MAD1L1: variants seen among roughly 807,000 people sequenced by gnomAD.
MAD1L1 encodes mitotic arrest deficient 1 like 1, also known as mitotic spindle assembly checkpoint protein MAD1.
Under a neutral mutation model 96.9 loss-of-function variants are expected in MAD1L1, and 95 were observed. That is an observed-to-expected ratio of 0.98 (90% CI 0.83 to 1.16). The LOEUF (loss-of-function observed/expected upper bound fraction) is 1.16, where lower values mean the gene tolerates loss of function less well. Among genes scored for constraint, MAD1L1 ranks in the 50% most tolerant of loss-of-function variants. The probability of loss-of-function intolerance (pLI) is 0.00; values close to 1 mark genes in which losing one functional copy is unlikely to be tolerated. For synonymous variants in MAD1L1, 473 were observed against 396.6 expected (o/e 1.19, Z -2.29); for missense variants, 1,007 against 954.4 (o/e 1.06, Z -0.73).
At chr7:1,855,285 G>A (rs1202425410) in intron 18 of MAD1L1, among the ~76,000 whole-genome samples, 1 of 151,936 alleles carries the variant, frequency 6.6e-6, no homozygotes, top group Admixed American at 6.6e-5. Flanking sequence ...AAACGGTTGC[G>A]GGCCACACCC....
At position 2,192,734 on chromosome 7, in the gene MAD1L1, C is replaced by G. The variant is rs558064917; in HGVS notation, c.986+20478G>C. On this transcript the variant is annotated intron_variant, in intron 10 of 18. Transcript: ENST00000265854. ...AAACTAACGTCATGCCCCAAGGAAA[C>G]GAGAGAAAAGGATGTCATTAATAAA... Among the ~76,000 whole-genome samples, 43 of 152,192 alleles carry G rather than the reference C, an allele frequency of 2.8e-4. No homozygotes were observed. In the South Asian group the frequency reaches 6.2e-3, roughly 22 times the overall value.
chr7:2,152,021 G>C (rs918737078), intron 10 of MAD1L1, among the ~76,000 whole-genome samples: 1 of 152,142 alleles, frequency 6.6e-6, no homozygotes, highest in Non-Finnish European at 1.5e-5. Flanking sequence ...GGCTGCTTCC[G>C]GGTGGCTCCC....
At chr7:1,941,186 G>A (rs1051861169) in intron 16 of MAD1L1, among the ~76,000 whole-genome samples, 16 of 152,162 alleles carry the variant, frequency 1.1e-4, no homozygotes, top group African/African-American at 3.1e-4. Context: ...CAGCGCTGGC[G>A]TTGGACCCAG....
Position 2,119,746 on chromosome 7 carries a change from G to A in MAD1L1, c.1073+29406C>T, listed in dbSNP as rs1157311500. ...TGCCAGTCCAGCAGGGGACCCCTCA[G>A]CACAGTCCTGGCTGCACCCATACAG... On this transcript the variant is annotated intron_variant, in intron 11 of 18. Coordinates refer to ENST00000265854, the MANE Select transcript of MAD1L1 (RefSeq NM_001013836.2). This position sits in a 1 kb window ranked among gnomAD's most constrained non-coding sequence, Gnocchi z 4.6. Among the ~76,000 whole-genome samples, 1 of 152,188 alleles carries A rather than the reference G, an allele frequency of 6.6e-6. No individual in the cohort carries two copies. Among genetic ancestry groups the A allele is most frequent in the Admixed American group, 6.5e-5 (1 of 15,284 alleles).
Position 2,088,084 on chromosome 7 carries a change from C to T in MAD1L1, c.1074-18746G>A, listed in dbSNP as rs1371650720. On this transcript the variant is annotated intron_variant, in intron 11 of 18. Transcript: ENST00000265854. This position sits in a 1 kb window ranked among gnomAD's most constrained non-coding sequence, Gnocchi z 4.4. ...GAAGAAGACTGGGACTCGGACCACACTGACTTCTCCCCTTTAAAAGTCTAC... is the reference window on the plus strand; with the variant it reads ...GAAGAAGACTGGGACTCGGACCACATTGACTTCTCCCCTTTAAAAGTCTAC... Among the ~76,000 whole-genome samples, 1 of 152,216 alleles carries T rather than the reference C, an allele frequency of 6.6e-6. No individual in the cohort carries two copies. Among genetic ancestry groups the T allele is most frequent in the Non-Finnish European group, 1.5e-5 (1 of 68,036 alleles).
chr7:2,059,230 C>A (rs1205345098), intron 12 of MAD1L1, among the ~76,000 whole-genome samples: 3 of 67,534 alleles, frequency 4.4e-5, no homozygotes, highest in African/African-American at 6.2e-5. Flanking sequence ...GGGAGTGTGG[C>A]CAGGAGAGAA....
intron 17 of MAD1L1, among the ~76,000 whole-genome samples, chr7:1,909,962 C>A (rs936560178): frequency 3.9e-5 from 6 of 152,198 alleles, no homozygotes. Flanking sequence ...GAGCTCTGTG[C>A]AGCTTTCAAA....
At chr7:1,891,291 C>T (rs905817208) in intron 18 of MAD1L1, among the ~76,000 whole-genome samples, 11 of 151,996 alleles carry the variant, frequency 7.2e-5, no homozygotes, top group African/African-American at 2.7e-4. Context: ...TTTAGGAGGC[C>T]GAGGAGGGAG....
intron 11 of MAD1L1, among the ~76,000 whole-genome samples, chr7:2,139,147 G>A (rs1180629025): frequency 1.3e-5 from 2 of 152,074 alleles, no homozygotes; most frequent in East Asian, 1.9e-4. Context: ...CAGACAGGGC[G>A]AGGACTGTGA....
intron 10 of MAD1L1, among the ~76,000 whole-genome samples, chr7:2,153,886 G>A (rs577112524): frequency 3.3e-5 from 5 of 152,370 alleles, no homozygotes; most frequent in South Asian, 2.1e-4. Flanking sequence ...GGCCGAGCGC[G>A]GTGGCTCACG....
At chr7:1,857,514 G>A (rs368651437) in intron 18 of MAD1L1, among the ~76,000 whole-genome samples, 13 of 152,244 alleles carry the variant, frequency 8.5e-5, no homozygotes, top group Admixed American at 5.9e-4. Context: ...CAGAGGAACA[G>A]GACGGTCCCC....
chr7:2,231,315 G>A (rs1189367573), intron 1 of MAD1L1, among the ~76,000 whole-genome samples: 2 of 151,558 alleles, frequency 1.3e-5, no homozygotes. Context: ...ATAAATGAAT[G>A]AATAAATAAA....
chr7:1,827,081 C>G (rs1211421857), intron 18 of MAD1L1, among the ~76,000 whole-genome samples: 2 of 152,238 alleles, frequency 1.3e-5, no homozygotes, highest in Admixed American at 6.5e-5. Context: ...GTGGGGGCGC[C>G]GGCTCGGGGT....
At position 2,032,686 on chromosome 7, in the gene MAD1L1, C is replaced by G. The variant is rs573276138; in HGVS notation, c.1219-18044G>C. On this transcript the variant is annotated intron_variant, in intron 12 of 18. Coordinates refer to ENST00000265854, the MANE Select transcript of MAD1L1 (RefSeq NM_001013836.2). ...AGTACCTCCCACCAGGCTCGAGGGA[C>G]CCTGTGCTGCTTCTGGCATTTTGAA... 3.0e-4 allele frequency among the ~76,000 whole-genome samples: 46 copies of G among 152,318 alleles called. No homozygotes were observed. The South Asian group carries it at 9.5e-3, about 32-fold the overall frequency.
At chr7:1,926,533 T>G (rs1247824181) in intron 17 of MAD1L1, among the ~76,000 whole-genome samples, 2 of 144,532 alleles carry the variant, frequency 1.4e-5, no homozygotes, top group African/African-American at 5.1e-5. Context: ...AAGGGGGGGG[T>G]TTATTCCAGG....
chr7:1,913,670 G>C (rs897598201), intron 17 of MAD1L1, among the ~76,000 whole-genome samples: 10 of 152,210 alleles, frequency 6.6e-5, no homozygotes, highest in African/African-American at 2.2e-4. Context: ...AGCTGCTATG[G>C]GGGGAGGGAG....
intron 1 of MAD1L1, among the ~76,000 whole-genome samples, chr7:2,231,760 A>C (rs1467082623): frequency 6.6e-6 from 1 of 152,040 alleles, no homozygotes; most frequent in African/African-American, 2.4e-5. Context: ...TACTATTTTC[A>C]ACTAGGTATC....
At chr7:2,174,584 G>A (rs918918838) in intron 10 of MAD1L1, among the ~76,000 whole-genome samples, 4 of 152,076 alleles carry the variant, frequency 2.6e-5, no homozygotes, top group Admixed American at 6.5e-5. Context: ...AGTGTATTCC[G>A]TTTCTCCTGT....
intron 13 of MAD1L1, among the ~76,000 whole-genome samples, chr7:2,012,551 C>T (rs1163298054): frequency 3.9e-5 from 6 of 152,176 alleles, no homozygotes; most frequent in African/African-American, 7.2e-5. Context: ...AGGCCCTGCA[C>T]GCACGGGATG....
Sources: allele counts gnomAD v4.1 joint callset (sites outside exome capture counted in the v4.1 genomes callset), GRCh38; gene constraint gnomAD v4.1.1; non-coding constraint Gnocchi (gnomAD v3.1); transcripts MANE v1.5; gene names NCBI Gene and HGNC (gene_info 2026-07-23, HGNC 2026-07-21).